UST: variants seen among roughly 807,000 people sequenced by gnomAD.
UST encodes the protein chondroitin sulfate 2-O-sulfotransferase.
In UST, 21 loss-of-function variants were observed where a neutral mutation model predicts 45.6. The observed-to-expected ratio is 0.46, with a 90% CI of 0.33 to 0.66. UST has a LOEUF of 0.66. Among genes scored for constraint, UST ranks in the 30% least tolerant of loss-of-function variants. The probability of loss-of-function intolerance (pLI) is 0.02; values close to 1 mark genes in which losing one functional copy is unlikely to be tolerated. For synonymous variants in UST, 215 were observed against 200.6 expected, an observed-to-expected ratio of 1.07 and a Z score of -0.61; for missense variants, 463 against 512.4, an observed-to-expected ratio of 0.90 and a Z score of 0.93.
intron 7 of UST, among the ~76,000 whole-genome samples, chr6:149,057,321 A>G (rs1422941440): frequency 5.3e-5 from 8 of 151,768 alleles, no homozygotes; most frequent in African/African-American, 2.0e-4. Flanking sequence ...TTACATTCTC[A>G]GAGTCAGGAG....
At chr6:149,049,370 A>G (rs1231402037) in intron 7 of UST, among the ~76,000 whole-genome samples, 2 of 152,236 alleles carry the variant, frequency 1.3e-5, no homozygotes, top group Admixed American at 6.5e-5. Flanking sequence ...AAGAATAGTA[A>G]ATCGTATTTA....
intron 1 of UST, among the ~76,000 whole-genome samples, chr6:148,808,319 C>T (rs1403889916): frequency 1.3e-5 from 2 of 152,216 alleles, no homozygotes; most frequent in African/African-American, 4.8e-5. Context: ...CCTCCACCCT[C>T]ATAGGCGAAT....
intron 1 of UST, among the ~76,000 whole-genome samples, chr6:148,863,523 G>A (rs544576119): frequency 2.0e-5 from 3 of 152,230 alleles, no homozygotes; most frequent in East Asian, 1.9e-4. Context: ...GTCATTCTCC[G>A]TCCAGCTTTG....
At chr6:148,755,868 T>A (rs568089106) in intron 1 of UST, among the ~76,000 whole-genome samples, 8 of 152,310 alleles carry the variant, frequency 5.3e-5, no homozygotes, top group South Asian at 2.1e-4. Flanking sequence ...TAATATTTTT[T>A]AATTATACTT....
intron 7 of UST, chr6:149,066,231 A>C (rs1440034841): frequency 6.6e-6 from 1 of 152,302 alleles, no homozygotes; most frequent in Non-Finnish European, 1.5e-5. Flanking sequence ...AATGGAGTAC[A>C]GAAGGAACAG....
At chr6:148,880,961 G>A (rs1458874546) in intron 1 of UST, among the ~76,000 whole-genome samples, 5 of 150,694 alleles carry the variant, frequency 3.3e-5, no homozygotes, top group African/African-American at 9.8e-5. Flanking sequence ...CCCAGGAGGC[G>A]GAGCTTGCAG....
chr6:149,034,486 T>C (rs571319798), intron 7 of UST, among the ~76,000 whole-genome samples: 8 of 149,928 alleles, frequency 5.3e-5, no homozygotes, highest in African/African-American at 2.0e-4. Context: ...CCTCTCCTCT[T>C]TCCACCCAGA....
intron 5 of UST, among the ~76,000 whole-genome samples, chr6:149,007,743 CAG>C (rs950541681): frequency 2.7e-4 from 41 of 152,044 alleles, no homozygotes; most frequent in East Asian, 7.7e-4. Flanking sequence ...ACATTTAAGA[CAG>C]GGGGTTTTTT....
chr6:149,023,039 C>T (rs1776000399), intron 7 of UST, among the ~76,000 whole-genome samples: 1 of 151,688 alleles, frequency 6.6e-6, no homozygotes, highest in Non-Finnish European at 1.5e-5. Context: ...CTAAATTAGA[C>T]TCCTTTGAAG....
At chr6:148,867,363 A>G (rs1778462815) in intron 1 of UST, among the ~76,000 whole-genome samples, 1 of 151,636 alleles carries the variant, frequency 6.6e-6, no homozygotes, top group Admixed American at 6.6e-5. Flanking sequence ...TTTGAAAGCC[A>G]TTTTATTTGT....
chr6:149,058,715 T>G (rs565473368), intron 7 of UST, among the ~76,000 whole-genome samples: 40 of 152,232 alleles, frequency 2.6e-4, no homozygotes, highest in African/African-American at 8.4e-4. Context: ...AAGTATATTT[T>G]AAGAAAGAGA....
chr6:148,857,387 C>A (rs774428562), intron 1 of UST, among the ~76,000 whole-genome samples: 5 of 152,052 alleles, frequency 3.3e-5, no homozygotes, highest in Non-Finnish European at 7.4e-5. Context: ...TAAGGCACAG[C>A]GAATGTATTA....
At chr6:148,807,480 T>C (rs1777172496) in intron 1 of UST, among the ~76,000 whole-genome samples, 1 of 152,136 alleles carries the variant, frequency 6.6e-6, no homozygotes, top group Admixed American at 6.5e-5. Flanking sequence ...ATAATGAAGT[T>C]ATGAGAATGG....
chr6:148,763,039 G>A (rs1253669283), intron 1 of UST, among the ~76,000 whole-genome samples: 2 of 152,138 alleles, frequency 1.3e-5, no homozygotes, highest in East Asian at 1.9e-4. Flanking sequence ...TTGCTGGGTC[G>A]AATGGTAGTT....
intron 1 of UST, among the ~76,000 whole-genome samples, chr6:148,815,731 C>T (rs765165185): frequency 4.6e-5 from 7 of 152,024 alleles, no homozygotes; most frequent in Admixed American, 1.3e-4. Flanking sequence ...AAAATGAGTT[C>T]GGGTTTGGAT....
At chr6:148,922,351 A>G (rs1423595723) in intron 2 of UST, among the ~76,000 whole-genome samples, 1 of 101,752 alleles carries the variant, frequency 9.8e-6, no homozygotes, top group Non-Finnish European at 1.9e-5. Flanking sequence ...GAATCATACA[A>G]TATACAATAT....
intron 4 of UST, among the ~76,000 whole-genome samples, chr6:148,955,293 A>T (rs1211278140): frequency 1.3e-5 from 2 of 152,242 alleles, no homozygotes; most frequent in Non-Finnish European, 2.9e-5. Flanking sequence ...CCTGGCTGGA[A>T]GAAGATTTCA....
chr6:148,761,814 T>C (rs1776228071), intron 1 of UST, among the ~76,000 whole-genome samples: 1 of 152,164 alleles, frequency 6.6e-6, no homozygotes, highest in Non-Finnish European at 1.5e-5. Context: ...CCCCCGAGTG[T>C]GGAGCCAACT....
intron 5 of UST, among the ~76,000 whole-genome samples, chr6:148,975,168 C>T (rs960768738): frequency 1.2e-4 from 19 of 152,312 alleles, no homozygotes; most frequent in Admixed American, 9.8e-4. Context: ...TCTTGATGAC[C>T]GCTCATCTTT....
Sources: gnomAD v4.1 joint callset for allele counts (sites outside exome capture counted in the v4.1 genomes callset) on GRCh38, gnomAD v4.1.1 for gene constraint, MANE v1.5 for transcripts, NCBI Gene and HGNC (gene_info 2026-07-23, HGNC 2026-07-21) for gene names.